Variants in ACBD5 observed in about 807,000 individuals in gnomAD.
The protein encoded by ACBD5 is acyl-CoA binding domain containing 5.
A neutral mutation model predicts 71.8 loss-of-function variants in ACBD5; 40 were observed. The ratio of observed to expected loss-of-function variants is 0.56; its 90% CI spans 0.43 to 0.72. ACBD5 has a LOEUF of 0.72. ACBD5 is among the 30% of genes least tolerant of loss of function. The pLI, the probability that ACBD5 is intolerant of heterozygous loss-of-function variation, is 0.00. For synonymous variants in ACBD5, 229 were observed against 218.6 expected (o/e 1.05, Z -0.42); for missense variants, 559 against 644.5 (o/e 0.87, Z 1.44).
chr10:27,220,768 CTCA>C (rs113323325), intron 5 of ACBD5, among the ~76,000 whole-genome samples: 1 of 152,056 alleles, frequency 6.6e-6, no homozygotes, highest in African/African-American at 2.4e-5. Flanking sequence ...AATTGGAGGA[CTCA>C]TCATTCCTGA....
Position 27,197,162 on chromosome 10 carries a change from T to C in ACBD5, c.*268A>G. On this transcript the variant is annotated 3_prime_UTR_variant, in exon 13 of 13. Coordinates refer to ENST00000396271, the MANE Select transcript of ACBD5 (RefSeq NM_145698.5). ...AATGATCATTAATAATTTAATGTCC[T>C]TCAAGTTCAAGGGCAGGGTAAATCT... 1.8e-6 allele frequency: 1 copy of C among 557,012 alleles called. No individual in the cohort carries two copies. Among genetic ancestry groups the C allele is most frequent in the Non-Finnish European group, 3.3e-6 (1 of 305,208 alleles). The allele number at this position is 557,012 out of a possible 1,614,324, so 34.5% of individuals were successfully genotyped here.
chr10:27,210,781 TA>T, intron 9 of ACBD5, 32 bp downstream of exon 9: 1 of 1,613,748 alleles, frequency 6.2e-7, no homozygotes, highest in Non-Finnish European at 8.5e-7. Context: ...AGTAAATCAA[TA>T]AAGGTGAGGG....
At chr10:27,203,851 A>C (rs2060188153) in intron 12 of ACBD5, among the ~76,000 whole-genome samples, 1 of 152,134 alleles carries the variant, frequency 6.6e-6, no homozygotes, top group African/African-American at 2.4e-5. Context: ...TGCCCAGGCT[A>C]GTCTCGAACT....
intron 8 of ACBD5, among the ~76,000 whole-genome samples, chr10:27,212,194 C>T (rs2061160638): frequency 6.6e-6 from 1 of 152,116 alleles, no homozygotes; most frequent in African/African-American, 2.4e-5. Flanking sequence ...ACTAAAAATA[C>T]AAAAATTAGC....
chr10:27,203,035 A>G (rs1250135949), intron 12 of ACBD5, among the ~76,000 whole-genome samples: 1 of 120,618 alleles, frequency 8.3e-6, no homozygotes, highest in Non-Finnish European at 1.6e-5. Context: ...GTGTAGTGGC[A>G]TGATCATGAC....
Position 27,218,190 on chromosome 10 carries a change from C to A in ACBD5, c.626-7G>T. 1.2e-6 allele frequency: 2 copies of A among 1,607,310 alleles called. No individual in the cohort carries two copies. Among genetic ancestry groups the A allele is most frequent in the Non-Finnish European group, 8.5e-7 (1 of 1,174,644 alleles). On this transcript the variant is annotated splice_polypyrimidine_tract_variant and splice_region_variant and intron_variant, in intron 6 of 12. Transcript: ENST00000396271. ...TTCTTCATCATTTTCTTATCTTTTA[C>A]GAGAAAATGGGAAAGATTCATAAAA... is the stretch of plus-strand genomic sequence containing the variant.
chr10:27,184,521 C>T (rs1426985508), intron 13 of ACBD5, among the ~76,000 whole-genome samples: 1 of 147,950 alleles, frequency 6.8e-6, no homozygotes, highest in African/African-American at 2.5e-5. Context: ...GGTCAGATTG[C>T]CATTATAAAA....
chr10:27,240,571 C>T lies in ACBD5; in HGVS notation c.16-87G>A, dbSNP rs1589438839. On this transcript the variant is annotated intron_variant, in intron 1 of 12. Transcript: ENST00000396271. The surrounding 1 kb of genome is among the most constrained non-coding windows in gnomAD (Gnocchi z 4.1). ...GCGGGTCAGTTCCCCTTTGCCCTGC[C>T]CTATCCAGGCCACACAGATCGAAGC... 2 of 1,551,292 alleles carry T rather than the reference C, an allele frequency of 1.3e-6. No homozygotes were observed. Among genetic ancestry groups the T allele is most frequent in the East Asian group, 4.9e-5 (2 of 40,920 alleles).
At chr10:27,200,923 A>C (rs889879804) in intron 12 of ACBD5, among the ~76,000 whole-genome samples, 8 of 152,138 alleles carry the variant, frequency 5.3e-5, no homozygotes, top group African/African-American at 1.9e-4. Flanking sequence ...CTGTAATCCC[A>C]GTACAAGAAA....
chr10:27,197,705 G>T lies in ACBD5; in HGVS notation c.1566-263C>A, dbSNP rs146079271. On this transcript the variant is annotated intron_variant, in intron 12 of 12. Coordinates refer to ENST00000396271, the MANE Select transcript of ACBD5 (RefSeq NM_145698.5). ...CTGTCGTCCAGGCTGGACTGCAATG[G>T]TGCCATCTTGGCTCACTGCAACCCT... Among the ~76,000 whole-genome samples the T allele has an allele frequency of 8.7e-4, 132 of 152,238 alleles. 2 individuals carry two copies. The highest frequency in any genetic ancestry group is 2.7e-3 in the African/African-American group (111 of 41,536).
In ACBD5 at chr10:27,240,319, C is replaced by T. The variant is rs1190520475; in HGVS notation, c.181G>A (p.Gly61Ser). 6.2e-7 allele frequency: 1 copy of T among 1,614,038 alleles called. No homozygotes were observed. The highest frequency in any genetic ancestry group is 8.5e-7 in the Non-Finnish European group (1 of 1,180,008). Reference sequence around the variant, plus strand: ...TACAGCCGGGGCCCAGCGCACGTACCATTCTTCGGCAAACTCTGGATCACC... The same window carrying T: ...TACAGCCGGGGCCCAGCGCACGTACTATTCTTCGGCAAACTCTGGATCACC... ...VKVIQSLPKN[G>S]SFQPTNEMML... The change falls in exon 2 of 13, where the codon GGT becomes AGT. Residue 61 changes from glycine to serine, a missense_variant and splice_region_variant. By Grantham distance (56) the Gly-to-Ser change is moderately conservative. Transcript: ENST00000396271. This position sits in a 1 kb window ranked among gnomAD's most constrained non-coding sequence, Gnocchi z 4.1.
intron 4 of ACBD5, among the ~76,000 whole-genome samples, chr10:27,226,489 A>ACACACAG (rs2063043793): frequency 1.6e-5 from 2 of 125,056 alleles, no homozygotes; most frequent in Non-Finnish European, 3.4e-5. Context: ...CACACACACA[A>ACACACAG]GCAGACACAG....
Position 27,240,449 on chromosome 10 carries a change from G to A in ACBD5, c.51C>T (p.Cys17=), listed in dbSNP as rs1466557299. 6.2e-7 allele frequency: 1 copy of A among 1,613,892 alleles called. No homozygotes were observed. Among genetic ancestry groups the A allele is most frequent in the Non-Finnish European group, 8.5e-7 (1 of 1,179,896 alleles). Residue 17 remains cysteine (C), a synonymous_variant, in exon 2 of 13, where the codon TGC becomes TGT. Transcript: ENST00000396271. The surrounding 1 kb of genome is among the most constrained non-coding windows in gnomAD (Gnocchi z 4.1). ...HAGSWESWCC[C]CLIPADRPWD... is the part of the protein sequence containing the mutation. ...AAGGTCTGTCGGCGGGAATCAGGCA[G>A]CAGCAGCACCAGCTTTCCCAAGAGC...
chr10:27,234,341 AG>A (rs1431829506), intron 3 of ACBD5, among the ~76,000 whole-genome samples: 3 of 152,206 alleles, frequency 2.0e-5, no homozygotes, highest in African/African-American at 7.2e-5. Context: ...TTAGATAAAA[AG>A]TTAGCATGGC....
intron 8 of ACBD5, among the ~76,000 whole-genome samples, chr10:27,211,318 TTTTG>T (rs974988394): frequency 1.3e-5 from 2 of 152,010 alleles, no homozygotes; most frequent in South Asian, 2.1e-4. Flanking sequence ...TAGTAAATTG[TTTTG>T]TTTGTTTGTT....
chr10:27,194,763 C>T (rs550393115), downstream of ACBD5, among the ~76,000 whole-genome samples: 3 of 151,636 alleles, frequency 2.0e-5, no homozygotes, highest in East Asian at 2.0e-4. Context: ...TTTGGGAGGC[C>T]GAGGCGGGTA....
intron 13 of ACBD5, among the ~76,000 whole-genome samples, chr10:27,188,487 CAG>C (rs1449294284): frequency 6.6e-6 from 1 of 152,124 alleles, no homozygotes; most frequent in Non-Finnish European, 1.5e-5. Context: ...TTGGAATGAA[CAG>C]AGTAGATTGA....
At chr10:27,222,022 T>C (rs565090932) in intron 5 of ACBD5, among the ~76,000 whole-genome samples, 1 of 152,240 alleles carries the variant, frequency 6.6e-6, no homozygotes, top group South Asian at 2.1e-4. Context: ...ATTTGACTTC[T>C]GTAAGCAAAT....
intron 2 of ACBD5, 67 bp from the exon 3 acceptor site, chr10:27,235,279 G>T: frequency 6.4e-7 from 1 of 1,566,422 alleles, no homozygotes; most frequent in Non-Finnish European, 8.8e-7. Context: ...TTATAAATTA[G>T]CTTAGCTATA....
Sources: gnomAD v4.1 joint callset for allele counts (sites outside exome capture counted in the v4.1 genomes callset) on GRCh38, gnomAD v4.1.1 for gene constraint, Gnocchi (gnomAD v3.1) non-coding constraint, MANE v1.5 for transcripts, NCBI Gene and HGNC (gene_info 2026-07-23, HGNC 2026-07-21) for gene names.